Variants in CNTLN observed in about 807,000 individuals in gnomAD.
CNTLN encodes centlein.
Under a neutral mutation model 180.0 loss-of-function variants are expected in CNTLN, and 212 were observed. That is an observed-to-expected ratio of 1.18 (90% CI 1.05 to 1.32). The LOEUF (loss-of-function observed/expected upper bound fraction) is 1.32, where lower values mean the gene tolerates loss of function less well. Among genes scored for constraint, CNTLN ranks in the 40% most tolerant of loss-of-function variants. The pLI, the probability that CNTLN is intolerant of heterozygous loss-of-function variation, is 0.00. For synonymous variants in CNTLN, 722 were observed against 563.1 expected (o/e 1.28, Z -3.99); for missense variants, 2,095 against 1,610.9 (o/e 1.30, Z -5.14).
chr9:17,358,479 A>C (rs4961547), intron 12 of CNTLN, among the ~76,000 whole-genome samples: 90,888 of 151,946 alleles, frequency 0.6, 27,454 homozygotes, highest in East Asian at 0.73. Flanking sequence ...GTAAAAATAT[A>C]GTTACACATA....
intron 8 of CNTLN, among the ~76,000 whole-genome samples, chr9:17,317,607 A>G (rs1224837178): frequency 6.6e-6 from 1 of 152,214 alleles, no homozygotes; most frequent in Non-Finnish European, 1.5e-5. Flanking sequence ...AAAATAATAC[A>G]GCATGAGATG....
intron 2 of CNTLN, among the ~76,000 whole-genome samples, chr9:17,186,697 G>C (rs1034251436): frequency 2.6e-5 from 4 of 151,934 alleles, no homozygotes; most frequent in African/African-American, 9.7e-5. Context: ...CATTTATAAG[G>C]CACACTAAGC....
Position 17,457,721 on chromosome 9 carries a change from T to G in CNTLN, c.3306+6T>G, listed in dbSNP as rs202231041. 1.5e-4 allele frequency: 207 copies of G among 1,413,500 alleles called. No individual in the cohort carries two copies. The highest frequency in any genetic ancestry group is 1.8e-4 in the Non-Finnish European group (195 of 1,074,840). The allele number at this position is 1,413,500 out of a possible 1,614,324, so 87.6% of individuals were successfully genotyped here. A position where few individuals can be genotyped will look rare whatever the true frequency, so the allele number is the denominator to read the frequency against. Reference sequence around the variant, plus strand: ...AATTGCAGTATAAACTAAAGGTGATTATAAAATTTATTAAGCATGAAAACA... The same window carrying G: ...AATTGCAGTATAAACTAAAGGTGATGATAAAATTTATTAAGCATGAAAACA... On this transcript the variant is annotated splice_donor_region_variant and intron_variant, in intron 19 of 25. Transcript: ENST00000380647.
Position 17,184,965 on chromosome 9 carries a change from CTAAT to C in CNTLN, c.450-41234_450-41231del, listed in dbSNP as rs1440527542. Among the ~76,000 whole-genome samples, 6 of 152,252 alleles carry C rather than the reference CTAAT, an allele frequency of 3.9e-5. No individual in the cohort carries two copies. The South Asian group carries it at 8.3e-4, about 21-fold the overall frequency. ...CTCACAGTGTATTTTTGGATATCCT[CTAAT>C]TAAGTCTCAGAACTTTATAAAAGCT... On this transcript the variant is annotated intron_variant, in intron 2 of 25. Coordinates refer to ENST00000380647, the MANE Select transcript of CNTLN (RefSeq NM_017738.4).
rs1330812 is a variant in CNTLN, at chr9:17,145,412, A to T, written c.449+2036A>T. ...TTGAGAAGTGAAAATGATATGCTGA[A>T]TATTCAACCTATGTCTGTTAAAAAG... On this transcript the variant is annotated intron_variant, in intron 2 of 25. Transcript: ENST00000380647. Among the ~76,000 whole-genome samples, 267 of 152,288 alleles carry T rather than the reference A, an allele frequency of 1.8e-3. 8 individuals are homozygous for T. In the East Asian group the frequency reaches 0.042, roughly 24 times the overall value.
chr9:17,199,050 T>C (rs1251262661), intron 2 of CNTLN, among the ~76,000 whole-genome samples: 1 of 152,140 alleles, frequency 6.6e-6, no homozygotes, highest in Admixed American at 6.5e-5. Flanking sequence ...TACTCAGTAA[T>C]GGGATTGCTG....
the CNTLN span, among the ~76,000 whole-genome samples, chr9:17,520,352 C>T: frequency 3.3e-5 from 5 of 152,156 alleles, no homozygotes; most frequent in African/African-American, 1.2e-4. Flanking sequence ...CTACTGGGAG[C>T]GTGGGGCTGA....
intron 5 of CNTLN, among the ~76,000 whole-genome samples, chr9:17,272,553 A>G (rs1267973107): frequency 1.3e-5 from 2 of 152,090 alleles, no homozygotes; most frequent in African/African-American, 2.4e-5. Flanking sequence ...CTGGAGCTAG[A>G]TCTTCTTTCC....
chr9:17,266,857 C>T (rs1239524014), intron 5 of CNTLN, among the ~76,000 whole-genome samples: 4 of 152,090 alleles, frequency 2.6e-5, no homozygotes, highest in Non-Finnish European at 5.9e-5. Flanking sequence ...ACTAGGATTG[C>T]AACCCCTGCC....
At chr9:17,508,339 A>G (rs1833969760), downstream of CNTLN, among the ~76,000 whole-genome samples, 2 of 152,232 alleles carry the variant, frequency 1.3e-5, no homozygotes, top group Non-Finnish European at 2.9e-5. Flanking sequence ...CCTGAATGGT[A>G]ACATCTTACA....
intron 5 of CNTLN, among the ~76,000 whole-genome samples, chr9:17,259,257 G>C (rs539429426): frequency 6.7e-6 from 1 of 148,940 alleles, no homozygotes; most frequent in Non-Finnish European, 1.5e-5. Context: ...CTTTGGTTCT[G>C]TTTATATGCT....
At chr9:17,311,559 C>T (rs1483077850) in intron 8 of CNTLN, among the ~76,000 whole-genome samples, 1 of 151,146 alleles carries the variant, frequency 6.6e-6, no homozygotes, top group African/African-American at 2.4e-5. Flanking sequence ...CCTGTAATCC[C>T]AGCACTTTGA....
chr9:17,510,567 A>G, the CNTLN span, among the ~76,000 whole-genome samples: 1 of 152,154 alleles, frequency 6.6e-6, no homozygotes, highest in South Asian at 2.1e-4. Context: ...GGCCTCATTC[A>G]GTTAGTTGAG....
chr9:17,377,268 A>G (rs932778743), intron 13 of CNTLN, among the ~76,000 whole-genome samples: 34 of 152,130 alleles, frequency 2.2e-4, no homozygotes, highest in African/African-American at 8.2e-4. Flanking sequence ...AAGTATTACT[A>G]GGCGCGGTGG....
chr9:17,517,645 C>T, the CNTLN span, among the ~76,000 whole-genome samples: 176 of 152,050 alleles, frequency 1.2e-3, no homozygotes, highest in African/African-American at 3.7e-3. Flanking sequence ...CCAAGGACTG[C>T]CAGCCACCAC....
chr9:17,274,495 A>G (rs552906492), intron 6 of CNTLN, among the ~76,000 whole-genome samples: 4 of 147,286 alleles, frequency 2.7e-5, no homozygotes, highest in Non-Finnish European at 6.0e-5. Flanking sequence ...CTATCTATCT[A>G]TCTATCTATG....
the CNTLN span, among the ~76,000 whole-genome samples, chr9:17,520,439 C>G: frequency 1.3e-5 from 2 of 152,216 alleles, no homozygotes; most frequent in Non-Finnish European, 2.9e-5. Flanking sequence ...GGAAGCTGTT[C>G]TGGCCACCAG....
At position 17,254,149 on chromosome 9, in the gene CNTLN, A is replaced by G. The variant is rs1378073656; in HGVS notation, c.849+17561A>G. ...CCCAGTTGAACATATTTGTATTATG[A>G]TGTTGACCATCTTTTCATATGCTTC... On this transcript the variant is annotated intron_variant, in intron 5 of 25. Coordinates refer to ENST00000380647, the MANE Select transcript of CNTLN (RefSeq NM_017738.4). Among the ~76,000 whole-genome samples the G allele has an allele frequency of 2.0e-5, 3 of 151,580 alleles. No individual in the cohort carries two copies. In the East Asian group the frequency reaches 5.8e-4, roughly 29 times the overall value.
At chr9:17,445,339 A>C (rs143051843) in intron 18 of CNTLN, among the ~76,000 whole-genome samples, 91 of 152,176 alleles carry the variant, frequency 6.0e-4, no homozygotes, top group African/African-American at 2.1e-3. Context: ...CCAACGAGAG[A>C]CATACAGTTA....
Sources: allele counts gnomAD v4.1 joint callset (sites outside exome capture counted in the v4.1 genomes callset), GRCh38; gene constraint gnomAD v4.1.1; transcripts MANE v1.5; gene names NCBI Gene and HGNC (gene_info 2026-07-23, HGNC 2026-07-21).